The following HUS1 variants were observed in gnomAD, a reference collection of about 807,000 sequenced individuals.
HUS1 encodes HUS1 checkpoint clamp component.
In HUS1, 31 loss-of-function variants were observed where a neutral mutation model predicts 32.6. The ratio of observed to expected loss-of-function variants is 0.95; its 90% CI spans 0.72 to 1.28. HUS1 has a LOEUF of 1.28. HUS1 is among the 50% of genes most tolerant of loss of function. The probability of loss-of-function intolerance (pLI) is 0.00; values close to 1 mark genes in which losing one functional copy is unlikely to be tolerated. For missense variants in HUS1, 340 were observed against 337.7 expected (o/e 1.01, Z -0.05); for synonymous variants, 123 against 116.6 (o/e 1.06, Z -0.36).
Position 47,964,919 on chromosome 7 carries a change from G to A in HUS1, c.*437C>T, listed in dbSNP as rs370483714. 4 of 152,182 alleles carry A rather than the reference G, an allele frequency of 2.6e-5. No individual in the cohort carries two copies. Among genetic ancestry groups the A allele is most frequent in the Admixed American group, 1.3e-4 (2 of 15,622 alleles). 9.4% of individuals were successfully genotyped at this position (152,182 alleles called of 1,614,324 possible). On this transcript the variant is annotated 3_prime_UTR_variant, in exon 8 of 8. Coordinates refer to ENST00000258774, the MANE Select transcript of HUS1 (RefSeq NM_004507.4). ...CACTGGGCTCCAAGGGGCAGGAGCA[G>A]CGGGGTGAACACACTGAAATGCAAG...
Position 47,967,903 on chromosome 7 carries a change from G to T in HUS1, c.663C>A (p.Asp221Glu). The change falls in exon 7 of 8, where the codon GAC becomes GAA. Residue 221 changes from aspartate (D) to glutamate (E), a missense_variant. Coordinates refer to ENST00000258774, the MANE Select transcript of HUS1 (RefSeq NM_004507.4). ...PPLASESTHE[D>E]RNVEHMAEVH... ...CTTCAGCCATGTGTTCCACGTTTCT[G>T]TCCTCATGGGTGCTTTCAGAGGCTA... 1 of 1,612,962 alleles carries T rather than the reference G, an allele frequency of 6.2e-7. No homozygotes were observed. The highest frequency in any genetic ancestry group is 1.7e-5 in the Admixed American group (1 of 59,838).
intron 7 of HUS1, 60 bp from the exon 8 acceptor site, chr7:47,965,498 A>C: frequency 8.0e-7 from 1 of 1,247,444 alleles, no homozygotes; most frequent in South Asian, 1.2e-5. Context: ...TTTGATCTCT[A>C]CTTTTTCAGA....
rs548696788 is a variant in HUS1 at position 47,978,491 on chromosome 7, C to G, written c.283G>C (p.Ala95Pro). Residue 95 changes from alanine to proline, a missense_variant, in exon 3 of 8, where the codon GCC becomes CCC. Physicochemically the swap from Ala to Pro is conservative, Grantham distance 27. Transcript: ENST00000258774. ...SENLSRALKT[A>P]QNARALKIKL... is the part of the protein sequence containing the mutation. ...ATTTTCAAAGCCCTGGCATTCTGGG[C>G]AGTCTTCAAGGCTCGAGATAAGTTT... 2 of 1,614,074 alleles carry G rather than the reference C, an allele frequency of 1.2e-6. No homozygotes were observed. The highest frequency in any genetic ancestry group is 1.7e-6 in the Non-Finnish European group (2 of 1,180,026).
rs1554293213 is a variant in HUS1 at position 47,978,678 on chromosome 7, CTT to C, written c.180+9_180+10del. 6.2e-7 allele frequency: 1 copy of C among 1,613,894 alleles called. No individual in the cohort carries two copies. The highest frequency in any genetic ancestry group is 8.5e-7 in the Non-Finnish European group (1 of 1,179,936). On this transcript the variant is annotated intron_variant, in intron 2 of 7. Coordinates refer to ENST00000258774, the MANE Select transcript of HUS1 (RefSeq NM_004507.4). Reference sequence around the variant, plus strand: ...GCAGAGTGTGCAGGCCTCTCAGAAGCTTTTGCTCACCTGTTCCAGCTCACACC... The same window carrying C: ...GCAGAGTGTGCAGGCCTCTCAGAAGCTTGCTCACCTGTTCCAGCTCACACC...
Position 47,978,760 on chromosome 7 carries a change from C to T in HUS1, c.109G>A (p.Asp37Asn). Residue 37 changes from aspartate to asparagine, a missense_variant, in exon 2 of 8, where the codon GAT becomes AAT. Coordinates refer to ENST00000258774, the MANE Select transcript of HUS1 (RefSeq NM_004507.4). ...TCACAAAGGATGAAGTTAAGCTTATCAGGGCTGATGCGGAGGGTGCAGGTT... is the reference window on the plus strand; with the variant it reads ...TCACAAAGGATGAAGTTAAGCTTATTAGGGCTGATGCGGAGGGTGCAGGTT... ...AKTCTLRISP[D>N]KLNFILCDKL... The T allele has an allele frequency of 1.2e-6, 2 of 1,614,220 alleles. No homozygotes were observed. Among genetic ancestry groups the T allele is most frequent in the East Asian group, 4.5e-5 (2 of 44,886 alleles).
At position 47,978,571 on chromosome 7, in the gene HUS1, T is replaced by C; in HGVS notation, c.203A>G (p.Gln68Arg). 6.2e-7 allele frequency: 1 copy of C among 1,614,144 alleles called. No homozygotes were observed. The highest frequency in any genetic ancestry group is 8.5e-7 in the Non-Finnish European group (1 of 1,179,948). ...GTTTTCTGCAGAGACACCCTCCATTTGAAATTCGTTGAAGAAGTTCTCCTA... is the reference window on the plus strand; with the variant it reads ...GTTTTCTGCAGAGACACCCTCCATTCGAAATTCGTTGAAGAAGTTCTCCTA... ...LEQENFFNEF[Q>R]MEGVSAENNE... The change falls in exon 3 of 8, where the codon CAA becomes CGA. Residue 68 changes from glutamine (Q) to arginine (R), a missense_variant. Coordinates refer to ENST00000258774, the MANE Select transcript of HUS1 (RefSeq NM_004507.4).
intron 2 of HUS1, 26 bp from the exon 3 acceptor site, chr7:47,978,619 G>A (rs556447890): frequency 1.2e-5 from 20 of 1,613,254 alleles, no homozygotes; most frequent in South Asian, 2.2e-5. Context: ...TGAGGGATGA[G>A]GGAGGGTATA....
Position 47,967,379 on chromosome 7 carries a change from C to A in HUS1, c.760+427G>T, listed in dbSNP as rs568433329. Among the ~76,000 whole-genome samples the A allele has an allele frequency of 3.9e-5, 6 of 152,280 alleles. No homozygotes were observed. The South Asian group carries it at 1.0e-3, about 26-fold the overall frequency. On this transcript the variant is annotated intron_variant, in intron 7 of 7. Coordinates refer to ENST00000258774, the MANE Select transcript of HUS1 (RefSeq NM_004507.4). ...GGCAGCGAATGCAGGCCAGCATAGC[C>A]ACAGAAAGGAAACAAGACATCACAA...
rs1378886546 is a variant in HUS1 at position 47,970,195 on chromosome 7, TGCACTCCA to T, written c.541-885_541-878del. 2.4e-5 allele frequency among the ~76,000 whole-genome samples: 3 copies of T among 126,976 alleles called. No individual in the cohort carries two copies. In the East Asian group the frequency reaches 7.3e-4, roughly 31 times the overall value. 83.3% of individuals were successfully genotyped at this position (126,976 alleles called of 152,430 possible). The stretch of plus-strand genomic sequence containing the variant: ...TTGCAGTGAGCCGAGATTGCGCCAC[TGCACTCCA>T]GCCTGGGTGAAAGAGCGAGACTCTG... On this transcript the variant is annotated intron_variant, in intron 5 of 7. Coordinates refer to ENST00000258774, the MANE Select transcript of HUS1 (RefSeq NM_004507.4).
intron 4 of HUS1, chr7:47,976,270 C>T: frequency 4.6e-6 from 2 of 436,710 alleles, no homozygotes; most frequent in Non-Finnish European, 9.3e-6. Flanking sequence ...GGAAATGGGC[C>T]CTTTGGCATC....
At chr7:47,973,120 C>G (rs1788631971) in intron 5 of HUS1, among the ~76,000 whole-genome samples, 1 of 152,224 alleles carries the variant, frequency 6.6e-6, no homozygotes. Context: ...CTTGCTTCCC[C>G]TTTGCCTTCT....
At chr7:47,968,987 G>A (rs1788538542) in intron 6 of HUS1, 1 of 461,134 alleles carries the variant, frequency 2.2e-6, no homozygotes, top group East Asian at 4.2e-5. Context: ...AGAGGATGGA[G>A]ACCCTGCACA....
chr7:47,973,955 TG>T (rs1788648036), intron 5 of HUS1, among the ~76,000 whole-genome samples: 1 of 152,200 alleles, frequency 6.6e-6, no homozygotes, highest in Non-Finnish European at 1.5e-5. Context: ...GCCTGACAAC[TG>T]GATCAGCATC....
chr7:47,969,973 C>T (rs1788561015), intron 5 of HUS1, among the ~76,000 whole-genome samples: 1 of 152,160 alleles, frequency 6.6e-6, no homozygotes, highest in Non-Finnish European at 1.5e-5. Context: ...GTGGCTCTCG[C>T]TTGTAATCCC....
intron 7 of HUS1, among the ~76,000 whole-genome samples, chr7:47,966,181 C>A (rs3176600): frequency 6.6e-6 from 1 of 152,020 alleles, no homozygotes; most frequent in African/African-American, 2.4e-5. Flanking sequence ...ACAGGAGAGG[C>A]AGAGACTGAG....
intron 1 of HUS1, chr7:47,979,022 A>G (rs1562592007): frequency 8.6e-6 from 5 of 581,034 alleles, no homozygotes; most frequent in South Asian, 4.1e-5. Flanking sequence ...ACACATCATC[A>G]GTGTTCAAAT....
In HUS1 at chr7:47,978,433, G is replaced by A. The variant is rs779721301; in HGVS notation, c.341C>T (p.Thr114Met). Reference protein sequence around the residue: ...KLTNKHFPCLTVSVELLSMSS... With the variant: ...KLTNKHFPCLMVSVELLSMSS... ...CCTACTCACCAGCTCCACGGAGACC[G>A]TGAGGCAGGGAAAGTGTTTATTAGT... Residue 114 changes from threonine (T) to methionine (M), a missense_variant, in exon 3 of 8, where the codon ACG becomes ATG. Coordinates refer to ENST00000258774, the MANE Select transcript of HUS1 (RefSeq NM_004507.4). 20 of 1,613,946 alleles carry A rather than the reference G, an allele frequency of 1.2e-5. No individual in the cohort carries two copies. Among genetic ancestry groups the A allele is most frequent in the South Asian group, 9.9e-5 (9 of 91,084 alleles).
chr7:47,978,597 A>AG lies in HUS1; in HGVS notation c.181-5dup, dbSNP rs1257707316. The stretch of plus-strand genomic sequence containing the variant: ...GAAATTCGTTGAAGAAGTTCTCCTA[A>AG]GGGAAAAAAAATGAGGGATGAGGGA... On this transcript the variant is annotated splice_polypyrimidine_tract_variant and splice_region_variant and intron_variant, in intron 2 of 7. Coordinates refer to ENST00000258774, the MANE Select transcript of HUS1 (RefSeq NM_004507.4). The AG allele has an allele frequency of 6.2e-7, 1 of 1,613,408 alleles. No individual in the cohort carries two copies. The highest frequency in any genetic ancestry group is 1.3e-5 in the African/African-American group (1 of 74,914).
chr7:47,971,364 C>G, intron 5 of HUS1: 1 of 387,066 alleles, frequency 2.6e-6, no homozygotes, highest in South Asian at 1.9e-5. Context: ...GGCTACCAGA[C>G]TTCTGCCATC....
Sources: gnomAD v4.1 joint callset for allele counts (sites outside exome capture counted in the v4.1 genomes callset) on GRCh38, gnomAD v4.1.1 for gene constraint, MANE v1.5 for transcripts, NCBI Gene and HGNC (gene_info 2026-07-23, HGNC 2026-07-21) for gene names.